CRB1: variants seen among roughly 807,000 people sequenced by gnomAD.
The protein encoded by CRB1 is crumbs cell polarity complex component 1.
In CRB1, 83 loss-of-function variants were observed where a neutral mutation model predicts 120.0. That is an observed-to-expected ratio of 0.69 (90% CI 0.58 to 0.83). The LOEUF (loss-of-function observed/expected upper bound fraction) is 0.83. CRB1 is among the 40% of genes least tolerant of loss of function. CRB1 has a pLI of 0.00. For synonymous variants in CRB1, 625 were observed against 612.5 expected, an observed-to-expected ratio of 1.02 and a Z score of -0.30; for missense variants, 1,699 against 1,687.6, an observed-to-expected ratio of 1.01 and a Z score of -0.12.
chr1:197,462,127 T>C (rs1199785211), intron 11 of CRB1, among the ~76,000 whole-genome samples: 2 of 152,184 alleles, frequency 1.3e-5, no homozygotes, highest in Non-Finnish European at 2.9e-5. Context: ...AATGTTGTCG[T>C]TCTTGATTTT....
chr1:197,234,740 G>T, the CRB1 span, among the ~76,000 whole-genome samples: 1 of 152,190 alleles, frequency 6.6e-6, no homozygotes, highest in African/African-American at 2.4e-5. Context: ...GCTATTCATG[G>T]TTCCAATAAC....
chr1:197,404,167 T>G (rs1419633105), intron 5 of CRB1, among the ~76,000 whole-genome samples: 1 of 152,090 alleles, frequency 6.6e-6, no homozygotes, highest in Non-Finnish European at 1.5e-5. Context: ...ACAAGGAAAA[T>G]AGTATTCAGA....
chr1:197,332,561 A>G (rs77896713), intron 2 of CRB1, among the ~76,000 whole-genome samples: 1 of 152,266 alleles, frequency 6.6e-6, no homozygotes, highest in East Asian at 1.9e-4. Context: ...AAAAAAAAAA[A>G]TGCAGTCATA....
chr1:197,413,670 A>C (rs1319746955), intron 5 of CRB1, among the ~76,000 whole-genome samples: 1 of 152,216 alleles, frequency 6.6e-6, no homozygotes, highest in Admixed American at 6.5e-5. Context: ...AACATTCACT[A>C]GTGTGACTTA....
intron 11 of CRB1, among the ~76,000 whole-genome samples, chr1:197,459,979 A>AGT (rs1482126249): frequency 3.8e-5 from 5 of 131,590 alleles, no homozygotes; most frequent in African/African-American, 1.3e-4. Flanking sequence ...TTTTGTTAGT[A>AGT]AGTCTTGCTT....
At chr1:197,307,912 T>G (rs1657267888) in intron 1 of CRB1, among the ~76,000 whole-genome samples, 1 of 152,156 alleles carries the variant, frequency 6.6e-6, no homozygotes, top group Non-Finnish European at 1.5e-5. Context: ...GAGCTACCAT[T>G]TAACCCAGCA....
the CRB1 span, chr1:197,222,237 G>A: frequency 3.9e-6 from 2 of 506,602 alleles, no homozygotes; most frequent in Non-Finnish European, 7.5e-6. Flanking sequence ...TGTGTTTGCC[G>A]TGCTCCTGTC....
chr1:197,303,811 G>A (rs1657015584), intron 1 of CRB1, among the ~76,000 whole-genome samples: 1 of 152,000 alleles, frequency 6.6e-6, no homozygotes, highest in Non-Finnish European at 1.5e-5. Flanking sequence ...TTATGCATTT[G>A]GAAAAAATGC....
the CRB1 span, among the ~76,000 whole-genome samples, chr1:197,206,371 T>G: frequency 6.6e-6 from 1 of 152,224 alleles, no homozygotes; most frequent in Non-Finnish European, 1.5e-5. Context: ...TCTTTCAGAC[T>G]TTTTGATGTA....
At chr1:197,449,924 G>A (rs1309637179) in intron 11 of CRB1, among the ~76,000 whole-genome samples, 1 of 152,152 alleles carries the variant, frequency 6.6e-6, no homozygotes, top group East Asian at 1.9e-4. Context: ...CTTTCTAGCT[G>A]CTGTGGTGAA....
chr1:197,246,160 A>T, the CRB1 span, among the ~76,000 whole-genome samples: 1 of 152,154 alleles, frequency 6.6e-6, no homozygotes, highest in Non-Finnish European at 1.5e-5. Context: ...GTAACACCCC[A>T]GCAGGAAAGT....
intron 5 of CRB1, among the ~76,000 whole-genome samples, chr1:197,418,138 T>C (rs1465600307): frequency 2.6e-5 from 4 of 152,166 alleles, no homozygotes; most frequent in African/African-American, 9.7e-5. Flanking sequence ...TTATGCCATA[T>C]CAGTTGTTCA....
chr1:197,443,636 CA>C (rs2125516430), intron 11 of CRB1: 1 of 151,524 alleles, frequency 6.6e-6, no homozygotes, highest in African/African-American at 2.4e-5. Context: ...AAGTATCTTT[CA>C]GAAAAAAATA....
At chr1:197,238,361 T>C in the CRB1 span, among the ~76,000 whole-genome samples, 1 of 152,214 alleles carries the variant, frequency 6.6e-6, no homozygotes, top group Non-Finnish European at 1.5e-5. Flanking sequence ...TATAATATGC[T>C]TATTTATATA....
At chr1:197,280,100 C>T (rs1358804759) in intron 1 of CRB1, among the ~76,000 whole-genome samples, 1 of 151,822 alleles carries the variant, frequency 6.6e-6, no homozygotes, top group African/African-American at 2.4e-5. Context: ...AGTTTTCACA[C>T]AACCATATCA....
At chr1:197,232,011 G>A in the CRB1 span, among the ~76,000 whole-genome samples, 1 of 152,146 alleles carries the variant, frequency 6.6e-6, no homozygotes, top group Admixed American at 6.5e-5. Flanking sequence ...GATTACATAG[G>A]TAGGCCCAAA....
At chr1:197,435,767 A>C (rs575110833) in intron 9 of CRB1, among the ~76,000 whole-genome samples, 155 bp downstream of exon 9, 1 of 152,086 alleles carries the variant, frequency 6.6e-6, no homozygotes, top group East Asian at 1.9e-4. Flanking sequence ...TCATGTTCAG[A>C]TGGGATCTCA....
At chr1:197,327,810 A>T (rs978329062) in intron 1 of CRB1, among the ~76,000 whole-genome samples, 1 of 152,098 alleles carries the variant, frequency 6.6e-6, no homozygotes, top group Non-Finnish European at 1.5e-5. Context: ...GCTCCAAGGG[A>T]CCTTCCCTGC....
In CRB1 at chr1:197,446,925, A is replaced by C. The variant is rs74550071; in HGVS notation, c.4005+4633A>C. Among the ~76,000 whole-genome samples the C allele has an allele frequency of 7.1e-4, 108 of 152,342 alleles. No homozygotes were observed. The East Asian group carries it at 0.02, about 28-fold the overall frequency. ...TTCCATTCTGGAGTTCAAGAGGCAT[A>C]TCAGGGTGTATATATTTGGGATATA... On this transcript the variant is annotated intron_variant, in intron 11 of 11. Transcript: ENST00000367400.
Sources: allele counts gnomAD v4.1 joint callset (sites outside exome capture counted in the v4.1 genomes callset), GRCh38; gene constraint gnomAD v4.1.1; transcripts MANE v1.5; gene names NCBI Gene and HGNC (gene_info 2026-07-23, HGNC 2026-07-21).